Variants in ANO5 observed in about 807,000 individuals in gnomAD.
ANO5 encodes anoctamin-5.
In ANO5, 109 loss-of-function variants were observed where a neutral mutation model predicts 121.0. The ratio of observed to expected loss-of-function variants is 0.90; its 90% confidence interval spans 0.77 to 1.06. The LOEUF (loss-of-function observed/expected upper bound fraction) is 1.06, where lower values mean the gene tolerates loss of function less well. ANO5 is among the 50% of genes least tolerant of loss of function. ANO5 has a pLI of 0.00. For synonymous variants in ANO5, 406 were observed against 359.9 expected (o/e 1.13, Z -1.45); for missense variants, 1,064 against 1,078.5 (o/e 0.99, Z 0.19).
chr11:22,216,621 AT>A (rs1358823894), intron 3 of ANO5, among the ~76,000 whole-genome samples: 3 of 151,636 alleles, frequency 2.0e-5, no homozygotes, highest in African/African-American at 7.3e-5. Flanking sequence ...TATTGTGAAC[AT>A]TTTCTTCCAG....
intron 15 of ANO5, 33 bp downstream of exon 15, chr11:22,259,774 A>T: frequency 6.4e-7 from 1 of 1,560,846 alleles, no homozygotes; most frequent in South Asian, 1.1e-5. Flanking sequence ...GTGATTCTGA[A>T]GAATGATTCT....
chr11:22,230,255 G>T (rs1852995874), intron 7 of ANO5, among the ~76,000 whole-genome samples: 1 of 151,894 alleles, frequency 6.6e-6, no homozygotes, highest in African/African-American at 2.4e-5. Context: ...GAATTTCTAT[G>T]TGTATAGAAA....
chr11:22,253,367 A>C (rs1456711128), intron 12 of ANO5, among the ~76,000 whole-genome samples: 5 of 152,116 alleles, frequency 3.3e-5, no homozygotes, highest in Non-Finnish European at 5.9e-5. Context: ...ATGTTGGCCA[A>C]CTTTCTTATT....
rs1342200392 is a variant in ANO5 at position 22,250,897 on chromosome 11, T to C, written c.1119+51T>C. The C allele has an allele frequency of 3.1e-6, 5 of 1,609,432 alleles. No homozygotes were observed. In the African/African-American group the frequency reaches 5.3e-5, roughly 17 times the overall value. ...AAAGACTTGGAATTTTCCTCCTTTT[T>C]ATTACATTTAGTACTAAATTATCTT... On this transcript the variant is annotated intron_variant, in intron 11 of 21. Transcript: ENST00000324559.
At chr11:22,247,436 A>AAG (rs149770116) in intron 9 of ANO5, among the ~76,000 whole-genome samples, 23,325 of 152,100 alleles carry the variant, frequency 0.15, 5,238 homozygotes, top group African/African-American at 0.49. Context: ...CAGGGAAGTA[A>AAG]AGGCTGTTAA....
At chr11:22,240,525 A>G (rs1354676825) in intron 9 of ANO5, among the ~76,000 whole-genome samples, 1 of 152,086 alleles carries the variant, frequency 6.6e-6, no homozygotes, top group Non-Finnish European at 1.5e-5. Flanking sequence ...TAGAGGACAC[A>G]TTTTGGAAAA....
At chr11:22,216,848 T>C (rs1157787055) in intron 3 of ANO5, among the ~76,000 whole-genome samples, 2 of 151,884 alleles carry the variant, frequency 1.3e-5, no homozygotes, top group Non-Finnish European at 2.9e-5. Flanking sequence ...ATGGAAGTCA[T>C]AATGTGGCCC....
chr11:22,249,520 G>T (rs1023358130), intron 9 of ANO5, among the ~76,000 whole-genome samples: 21 of 152,068 alleles, frequency 1.4e-4, no homozygotes, highest in Non-Finnish European at 2.1e-4. Context: ...ACTTTCTGAG[G>T]AGGAGAAAAC....
intron 7 of ANO5, among the ~76,000 whole-genome samples, chr11:22,228,487 TTTTGTGATGAGACCA>T (rs1226910026): frequency 6.6e-6 from 1 of 152,052 alleles, no homozygotes; most frequent in African/African-American, 2.4e-5. Flanking sequence ...TTTTTCATTT[TTTTGTGATGAGACCA>T]TTCAAAAACC....
intron 5 of ANO5, 96 bp downstream of exon 5, chr11:22,221,306 G>A (rs1852643619): frequency 9.3e-7 from 1 of 1,079,514 alleles, no homozygotes; most frequent in Non-Finnish European, 1.4e-6. Context: ...AAAAGTGAGA[G>A]GCCCTGAAGT....
chr11:22,219,550 CTAT>C (rs757899856), intron 4 of ANO5, among the ~76,000 whole-genome samples: 3 of 74,248 alleles, frequency 4.0e-5, no homozygotes, highest in Non-Finnish European at 1.3e-4. Context: ...AGAAAGAGGA[CTAT>C]TTTTTTCTTT....
At chr11:22,263,682 C>T (rs139469485) in intron 17 of ANO5, among the ~76,000 whole-genome samples, 37 of 152,288 alleles carry the variant, frequency 2.4e-4, no homozygotes, top group Non-Finnish European at 5.0e-4. Flanking sequence ...CGTAAGTCTA[C>T]GATCCTTCAG....
intron 12 of ANO5, among the ~76,000 whole-genome samples, chr11:22,253,784 TGAGG>T (rs1465763495): frequency 6.6e-6 from 1 of 152,170 alleles, no homozygotes; most frequent in African/African-American, 2.4e-5. Flanking sequence ...TTGTAAATGC[TGAGG>T]GAGTACAGAG....
intron 17 of ANO5, among the ~76,000 whole-genome samples, chr11:22,268,218 A>G (rs1854440227): frequency 1.3e-5 from 2 of 152,262 alleles, no homozygotes; most frequent in African/African-American, 4.8e-5. Flanking sequence ...ACATGGAAAA[A>G]TAATTTGGCT....
rs1400452274 is a variant in ANO5 at position 22,280,030 on chromosome 11, A to G, written c.*265A>G. ...AAATGACTGTTGAAAGTGCAGGTAG[A>G]ATCAGAATACTGGGAAATTATGGAG... On this transcript the variant is annotated 3_prime_UTR_variant, in exon 22 of 22. Coordinates refer to ENST00000324559, the MANE Select transcript of ANO5 (RefSeq NM_213599.3). 1 of 440,502 alleles carries G rather than the reference A, an allele frequency of 2.3e-6. No homozygotes were observed. Among genetic ancestry groups the G allele is most frequent in the Non-Finnish European group, 4.1e-6 (1 of 246,074 alleles). 27.3% of individuals were successfully genotyped at this position (440,502 alleles called of 1,614,324 possible). A position where few individuals can be genotyped will look rare whatever the true frequency, so the allele number is the denominator to read the frequency against.
Position 22,262,208 on chromosome 11 carries a change from A to T in ANO5, c.1710A>T (p.Ser570=). ...MFLFQFVNFY[S]SCFYVAFFKG... ...TGTTTCAGTTTGTAAATTTTTACTC[A>T]TCCTGCTTCTACGTAGCTTTCTTTA... is the stretch of plus-strand genomic sequence containing the variant. Residue 570 remains serine, a synonymous_variant, in exon 16 of 22, where the codon TCA becomes TCT. Transcript: ENST00000324559. The T allele has an allele frequency of 6.2e-7, 1 of 1,613,950 alleles. No homozygotes were observed. Among genetic ancestry groups the T allele is most frequent in the Non-Finnish European group, 8.5e-7 (1 of 1,179,948 alleles).
intron 3 of ANO5, among the ~76,000 whole-genome samples, chr11:22,217,039 A>G (rs1160794039): frequency 6.6e-6 from 1 of 151,974 alleles, no homozygotes; most frequent in African/African-American, 2.4e-5. Context: ...TATTTTATGT[A>G]ATGACCAACA....
intron 5 of ANO5, 26 bp from the exon 6 acceptor site, chr11:22,225,958 A>G (rs775246611): frequency 1.3e-6 from 2 of 1,543,858 alleles, no homozygotes; most frequent in South Asian, 2.2e-5. Context: ...ATTCTGCATA[A>G]TTCTGTTGAT....
intron 12 of ANO5, among the ~76,000 whole-genome samples, chr11:22,254,598 A>C (rs904154953): frequency 6.6e-6 from 1 of 152,178 alleles, no homozygotes; most frequent in East Asian, 1.9e-4. Flanking sequence ...ACCAAAAAAA[A>C]AAAAGCTTGA....
Sources: allele counts gnomAD v4.1 joint callset (sites outside exome capture counted in the v4.1 genomes callset), GRCh38; gene constraint gnomAD v4.1.1; transcripts MANE v1.5; gene names NCBI Gene and HGNC (gene_info 2026-07-23, HGNC 2026-07-21).